Variants in DHX8 observed in about 807,000 individuals in gnomAD.
The protein encoded by DHX8 is ATP-dependent RNA helicase DHX8.
DHX8 carries 67 observed loss-of-function variants against 140.7 expected under a neutral mutation model. The observed-to-expected ratio is 0.48, with a 90% confidence interval of 0.39 to 0.58. The LOEUF (loss-of-function observed/expected upper bound fraction) is 0.58. Ranked by LOEUF, DHX8 falls within the 20% of genes least tolerant of loss-of-function variation. The pLI is 0.00. For missense variants in DHX8, 887 were observed against 1,550.7 expected (o/e 0.57, Z 7.19); for synonymous variants, 533 against 553.2 (o/e 0.96, Z 0.51).
chr17:43,519,456 G>A (rs1483081141), intron 18 of DHX8: 2 of 151,214 alleles, frequency 1.3e-5, no homozygotes, highest in Non-Finnish European at 2.9e-5. Flanking sequence ...TTTTTAAATT[G>A]AGTTGTTTGT....
downstream of DHX8, among the ~76,000 whole-genome samples, chr17:43,526,999 T>C (rs1410156685): frequency 3.3e-5 from 5 of 152,098 alleles, no homozygotes; most frequent in African/African-American, 1.2e-4. Flanking sequence ...GCAGTTTCTA[T>C]TTAACAGGAG....
rs200981811 is a variant in DHX8 at position 43,504,816 on chromosome 17, A to G, written c.1719A>G (p.Gln573=). 58 of 1,613,740 alleles carry G rather than the reference A, an allele frequency of 3.6e-5. No homozygotes were observed. The East Asian group carries it at 4.7e-4, about 13-fold the overall frequency. The change falls in exon 12 of 23, where the codon CAA becomes CAG. Residue 573 remains glutamine, a synonymous_variant. Coordinates refer to ENST00000262415, the MANE Select transcript of DHX8 (RefSeq NM_004941.3). ...ESLPIYKLKE[Q]LVQAVHDNQI... The stretch of plus-strand genomic sequence containing the variant: ...TGCCCATCTACAAACTGAAGGAGCA[A>G]TTGGTCCAGGTGAGAAGACTTTTAT...
chr17:43,493,283 C>A (rs554628130), intron 6 of DHX8, among the ~76,000 whole-genome samples, 162 bp from the exon 7 acceptor site: 18 of 152,278 alleles, frequency 1.2e-4, no homozygotes, highest in Middle Eastern at 3.4e-3. Context: ...CCATGTCTCC[C>A]CATGAGGAGA....
At position 43,498,938 on chromosome 17, in the gene DHX8, G is replaced by A. The variant is rs772436212; in HGVS notation, c.1377G>A (p.Met459Ile). The A allele has an allele frequency of 7.6e-6, 12 of 1,580,890 alleles. No individual in the cohort carries two copies. Among genetic ancestry groups the A allele is most frequent in the Non-Finnish European group, 1.0e-5 (12 of 1,170,290 alleles). ...GGCACACTAAGCAAAGCATGGACAT[G>A]AGCCCCATTAAAATTGTCAAGGTGA... ...LRGHTKQSMD[M>I]SPIKIVKNPD... The change falls in exon 10 of 23, where the codon ATG becomes ATA. Residue 459 changes from methionine to isoleucine, a missense_variant. Transcript: ENST00000262415.
chr17:43,520,040 A>G, intron 18 of DHX8, 90 bp from the exon 19 acceptor site: 1 of 1,489,540 alleles, frequency 6.7e-7, no homozygotes, highest in South Asian at 1.2e-5. Flanking sequence ...AATTGAAGAA[A>G]TGGGAAATAA....
Position 43,533,824 on chromosome 17 carries a change from C to T in DHX8, c.351-2588C>T, listed in dbSNP as rs779342870. 1.9e-6 allele frequency: 3 copies of T among 1,605,194 alleles called. No homozygotes were observed. The East Asian group carries it at 6.8e-5, about 36-fold the overall frequency. Reference sequence around the variant, plus strand: ...CCTGCCTCCCTCCTCTGGAACCCTTCTCCTACCCTTCACCAGGTCCAGGCT... The same window carrying T: ...CCTGCCTCCCTCCTCTGGAACCCTTTTCCTACCCTTCACCAGGTCCAGGCT... On this transcript the variant is annotated intron_variant, in intron 2 of 3. Transcript: ENST00000589898.
At chr17:43,532,592 C>A in intron 2 of DHX8, 1 of 1,288,758 alleles carries the variant, frequency 7.8e-7, no homozygotes, top group South Asian at 1.4e-5. Context: ...TGGTAAACAG[C>A]AATGTAAAAA....
At chr17:43,503,219 C>T (rs1248547507) in intron 11 of DHX8, among the ~76,000 whole-genome samples, 1 of 151,718 alleles carries the variant, frequency 6.6e-6, no homozygotes, top group African/African-American at 2.4e-5. Context: ...AAAATTAGTC[C>T]AGGCATGGTG....
chr17:43,484,799 G>A (rs1968034630), intron 1 of DHX8, among the ~76,000 whole-genome samples: 1 of 152,106 alleles, frequency 6.6e-6, no homozygotes, highest in Non-Finnish European at 1.5e-5. Flanking sequence ...GCGCCACCAA[G>A]CTCGACTCAT....
intron 12 of DHX8, 88 bp downstream of exon 12, chr17:43,504,913 A>G: frequency 8.2e-7 from 1 of 1,222,744 alleles, no homozygotes; most frequent in Non-Finnish European, 1.1e-6. Flanking sequence ...TAACGGGACA[A>G]GTATGTGCCT....
downstream of DHX8, among the ~76,000 whole-genome samples, chr17:43,544,631 G>A (rs2293015): frequency 0.26 from 38,887 of 151,952 alleles, 5,608 homozygotes; most frequent in East Asian, 0.32. Context: ...TTGGCCTGGC[G>A]GCTTCTGCAA....
chr17:43,526,967 C>T (rs1022215456), downstream of DHX8, among the ~76,000 whole-genome samples: 2 of 152,108 alleles, frequency 1.3e-5, no homozygotes, highest in African/African-American at 4.8e-5. Context: ...CAGAGTTGGG[C>T]TGGCCCAACC....
chr17:43,524,971 TC>T lies in DHX8; in HGVS notation c.*1127del. On this transcript the variant is annotated 3_prime_UTR_variant, in exon 23 of 23. Transcript: ENST00000262415. The stretch of plus-strand genomic sequence containing the variant: ...CCTGAGGAGGGTTTTTTTTTTTTCT[TC>T]CCATAGAGATGGGTTCCCACTGTGC... 1.0e-6 allele frequency: 1 copy of T among 985,038 alleles called. No homozygotes were observed. Among genetic ancestry groups the T allele is most frequent in the Non-Finnish European group, 1.2e-6 (1 of 829,784 alleles). 61.0% of individuals were successfully genotyped at this position (985,038 alleles called of 1,614,324 possible). A position where few individuals can be genotyped will look rare whatever the true frequency, so the allele number is the denominator to read the frequency against.
chr17:43,534,109 G>A, intron 2 of DHX8: 1 of 1,088,256 alleles, frequency 9.2e-7, no homozygotes, highest in Non-Finnish European at 1.2e-6. Context: ...TCCCTCTCTG[G>A]GTATCAATTT....
At chr17:43,512,949 A>C (rs1355917113) in intron 16 of DHX8, among the ~76,000 whole-genome samples, 1 of 151,992 alleles carries the variant, frequency 6.6e-6, no homozygotes, top group Admixed American at 6.6e-5. Context: ...TTTTTAGTCC[A>C]GATGTCTCGG....
intron 17 of DHX8, among the ~76,000 whole-genome samples, chr17:43,515,116 C>T (rs1223409248): frequency 6.6e-6 from 1 of 151,844 alleles, no homozygotes; most frequent in Non-Finnish European, 1.5e-5. Flanking sequence ...GTATGTATTA[C>T]TTTCATAATT....
chr17:43,490,500 T>C, intron 3 of DHX8, 37 bp downstream of exon 3: 3 of 1,538,858 alleles, frequency 1.9e-6, no homozygotes, highest in Non-Finnish European at 2.7e-6. Flanking sequence ...GCTTCTAGAA[T>C]GGTGTAGGTT....
intron 3 of DHX8, among the ~76,000 whole-genome samples, chr17:43,541,128 G>T (rs1490216762): frequency 6.6e-6 from 1 of 152,124 alleles, no homozygotes; most frequent in Non-Finnish European, 1.5e-5. Context: ...AAGAGGTGGT[G>T]CCATCCTCTT....
chr17:43,522,792 G>A (rs1192599362), intron 22 of DHX8, among the ~76,000 whole-genome samples: 2 of 139,890 alleles, frequency 1.4e-5, no homozygotes, highest in African/African-American at 5.4e-5. Flanking sequence ...GGCTAGGCAT[G>A]GTGGCTCACG....
Sources: gnomAD v4.1 joint callset for allele counts (sites outside exome capture counted in the v4.1 genomes callset) on GRCh38, gnomAD v4.1.1 for gene constraint, MANE v1.5 for transcripts, NCBI Gene and HGNC (gene_info 2026-07-23, HGNC 2026-07-21) for gene names.